The following USH2A variants were observed in gnomAD, a reference collection of about 807,000 sequenced individuals.
USH2A encodes Usher syndrome 2A (autosomal recessive, mild).
USH2A carries 443 observed loss-of-function variants against 538.9 expected under a neutral mutation model. The ratio of observed to expected loss-of-function variants is 0.82; its 90% CI spans 0.76 to 0.89. USH2A has a LOEUF of 0.89. USH2A is among the 40% of genes least tolerant of loss of function. USH2A has a pLI of 0.00. For synonymous variants in USH2A, 2,413 were observed against 2,273.5 expected (o/e 1.06, Z -1.75); for missense variants, 6,633 against 6,324.8 (o/e 1.05, Z -1.65).
At chr1:216,336,008 CA>C (rs2037967512) in intron 4 of USH2A, among the ~76,000 whole-genome samples, 1 of 151,320 alleles carries the variant, frequency 6.6e-6, no homozygotes, top group African/African-American at 2.4e-5. Flanking sequence ...AATACAGATG[CA>C]AAAGTCTTCA....
chr1:215,674,882 G>A lies in USH2A; in HGVS notation c.13029C>T (p.Thr4343=). The A allele has an allele frequency of 6.2e-7, 1 of 1,614,072 alleles. No homozygotes were observed. The highest frequency in any genetic ancestry group is 8.5e-7 in the Non-Finnish European group (1 of 1,180,012). ...LQACTSGGCS[T]SKPTSITTLE... ...GAGTTGTGATGCTGGTGGGTTTGCT[G>A]GTGGAGCATCCTCCACTCGTGCAGG... Residue 4343 remains threonine (T), a synonymous_variant, in exon 63 of 72, where the codon ACC becomes ACT. Coordinates refer to ENST00000307340, the MANE Select transcript of USH2A (RefSeq NM_206933.4).
chr1:215,655,983 C>G (rs1240083602), intron 64 of USH2A, among the ~76,000 whole-genome samples: 1 of 152,078 alleles, frequency 6.6e-6, no homozygotes, highest in African/African-American at 2.4e-5. Flanking sequence ...ATCTGCCCAC[C>G]TCCGCCTCAC....
At chr1:215,716,166 G>T (rs539463732) in intron 61 of USH2A, among the ~76,000 whole-genome samples, 4 of 151,664 alleles carry the variant, frequency 2.6e-5, no homozygotes, top group African/African-American at 9.7e-5. Flanking sequence ...TTCTCTAGGG[G>T]CTGGTGCAGA....
intron 44 of USH2A, among the ~76,000 whole-genome samples, chr1:215,852,003 AACCC>A (rs1664030988): frequency 6.6e-6 from 1 of 152,182 alleles, no homozygotes. Flanking sequence ...TTATAATTAA[AACCC>A]TCAGCAAAAT....
chr1:216,322,051 A>T (rs1352059792), intron 8 of USH2A, 75 bp from the exon 9 acceptor site: 19 of 1,390,836 alleles, frequency 1.4e-5, no homozygotes, highest in Non-Finnish European at 1.9e-5. Flanking sequence ...CTAGGACTAT[A>T]TGCATTATGT....
intron 13 of USH2A, among the ~76,000 whole-genome samples, chr1:216,243,277 AT>A (rs1230848031): frequency 6.6e-6 from 1 of 152,158 alleles, no homozygotes; most frequent in Non-Finnish European, 1.5e-5. Flanking sequence ...ACTTTGGCTG[AT>A]TTTTTTAAAA....
At chr1:216,132,710 T>C (rs914944214) in intron 21 of USH2A, among the ~76,000 whole-genome samples, 2 of 152,120 alleles carry the variant, frequency 1.3e-5, no homozygotes, top group African/African-American at 4.8e-5. Flanking sequence ...TCAGTGGCCT[T>C]GCTGCAACCC....
chr1:215,731,084 T>G (rs907693059), intron 60 of USH2A, among the ~76,000 whole-genome samples: 16 of 152,212 alleles, frequency 1.1e-4, no homozygotes, highest in African/African-American at 3.9e-4. Flanking sequence ...TTCAATTAAT[T>G]TTTATTAAAC....
Position 216,292,217 on chromosome 1 carries a change from C to G in USH2A, c.1798G>C (p.Gly600Arg), listed in dbSNP as rs765639070. The change falls in exon 10 of 72, where the codon GGG becomes CGG. Residue 600 changes from glycine to arginine, a missense_variant. Transcript: ENST00000307340. ...CAATCATCACAAACTCCTCCTCCCC[C>G]TCTGAAGTGCTCAAAAGGAAATGGG... is the stretch of plus-strand genomic sequence containing the variant. ...VDPFPFEHFR[G>R]GGGVCDDCEH... 1.9e-6 allele frequency: 3 copies of G among 1,614,014 alleles called. No individual in the cohort carries two copies. The highest frequency in any genetic ancestry group is 2.7e-5 in the African/African-American group (2 of 74,934).
chr1:215,932,450 T>C (rs1421627804), intron 38 of USH2A, among the ~76,000 whole-genome samples: 1 of 152,014 alleles, frequency 6.6e-6, no homozygotes, highest in Non-Finnish European at 1.5e-5. Flanking sequence ...GATAATATGT[T>C]TTCAGATCAT....
intron 60 of USH2A, among the ~76,000 whole-genome samples, chr1:215,731,633 A>G (rs544006404): frequency 6.6e-6 from 1 of 152,204 alleles, no homozygotes; most frequent in Non-Finnish European, 1.5e-5. Context: ...AAAACTAGGA[A>G]CCATATATTT....
chr1:215,982,940 T>G (rs1571865158), intron 35 of USH2A, among the ~76,000 whole-genome samples: 1 of 152,124 alleles, frequency 6.6e-6, no homozygotes, highest in Non-Finnish European at 1.5e-5. Flanking sequence ...GACCTTGATT[T>G]TTATTTAATT....
intron 21 of USH2A, among the ~76,000 whole-genome samples, chr1:216,165,251 A>G (rs1489222596): frequency 2.0e-5 from 3 of 152,148 alleles, no homozygotes; most frequent in Admixed American, 1.3e-4. Flanking sequence ...AATGATATGT[A>G]TAGGTAAAAG....
intron 61 of USH2A, among the ~76,000 whole-genome samples, chr1:215,713,957 A>C (rs1340650047): frequency 6.6e-6 from 1 of 152,164 alleles, no homozygotes. Context: ...ATGCTACTTA[A>C]CCTCTCTGAG....
chr1:215,811,385 C>T lies in USH2A; in HGVS notation c.9739+2351G>A, dbSNP rs572428493. On this transcript the variant is annotated intron_variant, in intron 49 of 71. Transcript: ENST00000307340. Reference sequence around the variant, plus strand: ...TGTAAAACCTAAGATTGGTGTTCAACGTATTTTTCACACTCTTTATTCTGA... The same window carrying T: ...TGTAAAACCTAAGATTGGTGTTCAATGTATTTTTCACACTCTTTATTCTGA... Among the ~76,000 whole-genome samples the T allele has an allele frequency of 7.2e-5, 11 of 152,214 alleles. No individual in the cohort carries two copies. The South Asian group carries it at 1.5e-3, about 20-fold the overall frequency.
At position 215,845,973 on chromosome 1, in the gene USH2A, G is replaced by A; in HGVS notation, c.8906C>T (p.Ser2969Leu). ...YYTLFWSSAT[S>L]NDSLKILPDV... ...TGGCAAGATTTTTAGAGAGTCGTTT[G>A]AGGTAGCAGAACTCCAAAAAAGTGT... Residue 2969 changes from serine (S) to leucine (L), a missense_variant, in exon 45 of 72, where the codon TCA becomes TTA. Transcript: ENST00000307340. 7 of 1,613,326 alleles carry A rather than the reference G, an allele frequency of 4.3e-6. No homozygotes were observed. Among genetic ancestry groups the A allele is most frequent in the Non-Finnish European group, 5.9e-6 (7 of 1,179,564 alleles).
rs549775991 is a variant in USH2A at position 216,402,908 on chromosome 1, T to C, written c.651+15606A>G. On this transcript the variant is annotated intron_variant, in intron 3 of 71. Coordinates refer to ENST00000307340, the MANE Select transcript of USH2A (RefSeq NM_206933.4). ...ATTTATTGCACTAAACTAAATTAAA[T>C]ACTAAATTAAATTACACATTAAATT... Among the ~76,000 whole-genome samples the C allele has an allele frequency of 3.3e-5, 5 of 152,238 alleles. 1 individual carries two copies. The highest frequency in any genetic ancestry group is 6.5e-5 in the Admixed American group (1 of 15,276).
At chr1:216,168,352 G>C (rs1454048664) in intron 21 of USH2A, among the ~76,000 whole-genome samples, 1 of 152,028 alleles carries the variant, frequency 6.6e-6, no homozygotes, top group Non-Finnish European at 1.5e-5. Context: ...TGGACAATTT[G>C]AGCAGGTATA....
At chr1:215,893,338 A>G (rs10495010) in intron 40 of USH2A, among the ~76,000 whole-genome samples, 20,902 of 152,200 alleles carry the variant, frequency 0.14, 1,554 homozygotes, top group Non-Finnish European at 0.15. Flanking sequence ...TGACTCTCTA[A>G]GAATTTAAGA....
Sources: gnomAD v4.1 joint callset for allele counts (sites outside exome capture counted in the v4.1 genomes callset) on GRCh38, gnomAD v4.1.1 for gene constraint, MANE v1.5 for transcripts, NCBI Gene and HGNC (gene_info 2026-07-23, HGNC 2026-07-21) for gene names.